Variants in RASAL2 observed in about 807,000 individuals in gnomAD.
RASAL2 encodes ras GTPase-activating protein nGAP.
RASAL2 carries 58 observed loss-of-function variants against 128.9 expected under a neutral mutation model. The ratio of observed to expected loss-of-function variants is 0.45; its 90% confidence interval spans 0.36 to 0.56. The LOEUF (loss-of-function observed/expected upper bound fraction) is 0.56, where lower values mean the gene tolerates loss of function less well. RASAL2 is among the 20% of genes least tolerant of loss of function. RASAL2 has a pLI of 0.00. For synonymous variants in RASAL2, 561 were observed against 580.8 expected (o/e 0.97, Z 0.49); for missense variants, 1,360 against 1,601.6 (o/e 0.85, Z 2.57).
intron 1 of RASAL2, among the ~76,000 whole-genome samples, chr1:178,216,805 G>A (rs1399503248): frequency 1.3e-5 from 2 of 151,860 alleles, no homozygotes; most frequent in East Asian, 3.9e-4. Context: ...GTGCCTGGAT[G>A]GTTATTAGTT....
chr1:178,398,878 G>A (rs1172673839), intron 4 of RASAL2, among the ~76,000 whole-genome samples: 2 of 151,990 alleles, frequency 1.3e-5, no homozygotes, highest in Non-Finnish European at 2.9e-5. Context: ...TACTGACTTC[G>A]CTTATCAGTA....
chr1:178,206,268 C>T (rs1663043372), intron 1 of RASAL2, among the ~76,000 whole-genome samples: 1 of 152,128 alleles, frequency 6.6e-6, no homozygotes, highest in Non-Finnish European at 1.5e-5. Context: ...GACCAAATGG[C>T]TAAAGTATAT....
chr1:178,404,272 A>G (rs1673842797), intron 4 of RASAL2, among the ~76,000 whole-genome samples: 2 of 152,230 alleles, frequency 1.3e-5, no homozygotes, highest in South Asian at 4.2e-4. Context: ...AAGACCCAAT[A>G]GGAAAACTGA....
chr1:178,142,721 G>A (rs893890465), intron 1 of RASAL2, among the ~76,000 whole-genome samples: 4 of 152,132 alleles, frequency 2.6e-5, no homozygotes, highest in African/African-American at 9.7e-5. Context: ...TACTCCCTGG[G>A]TTACTGCAGC....
chr1:178,449,049 C>T (rs1291575262), intron 9 of RASAL2, among the ~76,000 whole-genome samples: 4 of 152,098 alleles, frequency 2.6e-5, no homozygotes, highest in African/African-American at 9.7e-5. Flanking sequence ...GTCTTCTTCT[C>T]GTTAAAGTTT....
chr1:178,148,477 C>T (rs1660804258), intron 1 of RASAL2, among the ~76,000 whole-genome samples: 1 of 149,648 alleles, frequency 6.7e-6, no homozygotes, highest in Non-Finnish European at 1.5e-5. Flanking sequence ...GAGATAGGGT[C>T]TCACTTTGTC....
chr1:178,423,450 A>G (rs1032917322), intron 5 of RASAL2, among the ~76,000 whole-genome samples: 3 of 152,188 alleles, frequency 2.0e-5, no homozygotes, highest in Admixed American at 6.6e-5. Flanking sequence ...TAGAAATAGT[A>G]AAATGTAGTA....
chr1:178,324,280 C>T (rs777384728), intron 3 of RASAL2, among the ~76,000 whole-genome samples: 1 of 152,050 alleles, frequency 6.6e-6, no homozygotes, highest in African/African-American at 2.4e-5. Context: ...TGAAGCTGGT[C>T]ATAGTAGCTC....
chr1:178,421,882 T>C (rs549538464), intron 5 of RASAL2, among the ~76,000 whole-genome samples: 2 of 152,210 alleles, frequency 1.3e-5, no homozygotes, highest in South Asian at 4.1e-4. Flanking sequence ...TATACCTCTT[T>C]GTTTTAAGGT....
At chr1:178,134,890 T>G (rs936694968) in intron 1 of RASAL2, among the ~76,000 whole-genome samples, 1 of 152,230 alleles carries the variant, frequency 6.6e-6, no homozygotes, top group Non-Finnish European at 1.5e-5. Flanking sequence ...ACACTTTTTT[T>G]GGGATACGCA....
chr1:178,362,605 T>G (rs922503106), intron 3 of RASAL2, among the ~76,000 whole-genome samples: 10 of 152,148 alleles, frequency 6.6e-5, no homozygotes, highest in African/African-American at 2.4e-4. Flanking sequence ...CCTACATAGC[T>G]GCAAACTTTA....
intron 4 of RASAL2, 128 bp downstream of exon 4, chr1:178,390,334 A>G (rs1323849753): frequency 2.3e-5 from 15 of 656,372 alleles, no homozygotes; most frequent in Non-Finnish European, 3.8e-5. Flanking sequence ...TTCTGTGATT[A>G]AAGGATAGAC....
intron 1 of RASAL2, among the ~76,000 whole-genome samples, chr1:178,136,078 A>G (rs1173008732): frequency 6.6e-6 from 1 of 152,256 alleles, no homozygotes; most frequent in Admixed American, 6.5e-5. Flanking sequence ...TAAATCTAGC[A>G]TGATCCCAGT....
chr1:178,141,723 C>T (rs1660540393), intron 1 of RASAL2, among the ~76,000 whole-genome samples: 1 of 152,070 alleles, frequency 6.6e-6, no homozygotes, highest in East Asian at 1.9e-4. Context: ...GTCCAGGGAT[C>T]CGCGGTAGAT....
chr1:178,420,538 T>A lies in RASAL2; in HGVS notation c.592T>A (p.Ser198Thr). The change falls in exon 5 of 18, where the codon TCC becomes ACC. Residue 198 changes from serine (S) to threonine (T), a missense_variant. Around this residue, in one of 3 missense-constraint regions of RASAL2, gnomAD observed 617 missense variants for 714.2 expected, o/e 0.86. Coordinates refer to ENST00000367649, the MANE Select transcript of RASAL2 (RefSeq NM_170692.4). ...ATTCTTCAGCAAGCGCCTGAAAGGC[T>A]CCATCAAGAGGACCAAAAGCCAGTC... ...PGFFSKRLKG[S>T]IKRTKSQSKL... 6.2e-7 allele frequency: 1 copy of A among 1,612,752 alleles called. No homozygotes were observed. The highest frequency in any genetic ancestry group is 8.5e-7 in the Non-Finnish European group (1 of 1,179,240).
intron 5 of RASAL2, among the ~76,000 whole-genome samples, chr1:178,424,160 C>T (rs934368608): frequency 1.3e-5 from 2 of 151,452 alleles, no homozygotes; most frequent in Admixed American, 6.6e-5. Flanking sequence ...CTATCTGGAG[C>T]GATCCAGAGG....
intron 7 of RASAL2, among the ~76,000 whole-genome samples, chr1:178,442,304 A>G (rs866793058): frequency 1.3e-5 from 2 of 152,176 alleles, no homozygotes. Flanking sequence ...TGAATTGGCC[A>G]TGTCAGAAGC....
intron 1 of RASAL2, among the ~76,000 whole-genome samples, chr1:178,205,886 A>G (rs1328326242): frequency 6.6e-6 from 1 of 152,154 alleles, no homozygotes; most frequent in Non-Finnish European, 1.5e-5. Context: ...ATTTTATTGA[A>G]ATTACAAATT....
At position 178,319,977 on chromosome 1, in the gene RASAL2, G is replaced by A. The variant is rs1484804151; in HGVS notation, c.457+19859G>A. On this transcript the variant is annotated intron_variant, in intron 3 of 17. Transcript: ENST00000367649. ...TGATGTACAGATGGGTTTTCGGTGT[G>A]GATGTCCTTTCTGTTTGTTAGTTTT... 5.9e-5 allele frequency among the ~76,000 whole-genome samples: 9 copies of A among 152,018 alleles called. No individual in the cohort carries two copies. The East Asian group carries it at 9.7e-4, about 16-fold the overall frequency.
Sources: gnomAD v4.1 joint callset for allele counts (sites outside exome capture counted in the v4.1 genomes callset) on GRCh38, gnomAD v4.1.1 for gene constraint, gnomAD v4.1.1 regional missense constraint, MANE v1.5 for transcripts, NCBI Gene and HGNC (gene_info 2026-07-23, HGNC 2026-07-21) for gene names.